Variants in CYP4V2 observed in about 807,000 individuals in gnomAD.
The protein encoded by CYP4V2 is cytochrome P450 family 4 subfamily V member 2, also known as cytochrome P450 4V2.
Under a neutral mutation model 60.8 loss-of-function variants are expected in CYP4V2, and 55 were observed. The observed-to-expected ratio is 0.90, with a 90% CI of 0.73 to 1.13. CYP4V2 has a LOEUF of 1.13. Ranked by LOEUF, CYP4V2 falls within the 50% of genes most tolerant of loss-of-function variation. CYP4V2 has a pLI of 0.00. For synonymous variants in CYP4V2, 239 were observed against 236.8 expected, an observed-to-expected ratio of 1.01 and a Z score of -0.08; for missense variants, 675 against 662.9, an observed-to-expected ratio of 1.02 and a Z score of -0.20.
In CYP4V2 at chr4:186,208,780, C is replaced by G. The variant is rs1736608193; in HGVS notation, c.1091-85C>G. On this transcript the variant is annotated intron_variant, in intron 8 of 10. Coordinates refer to ENST00000378802, the MANE Select transcript of CYP4V2 (RefSeq NM_207352.4). ...TTTGATGGGTATTTAGCATGCCATG[C>G]CTTGATCCACCTGTTCTTTTTAGAT... The G allele has an allele frequency of 5.7e-6, 9 of 1,585,160 alleles. No homozygotes were observed. The Admixed American group carries it at 1.2e-4, about 21-fold the overall frequency.
At chr4:186,206,926 C>A (rs114563611) in intron 8 of CYP4V2, among the ~76,000 whole-genome samples, 103 of 152,280 alleles carry the variant, frequency 6.8e-4, no homozygotes, top group Non-Finnish European at 1.2e-3. Flanking sequence ...CTCACAAGTT[C>A]TTTTGGAATA....
At chr4:186,205,788 G>T (rs1736479576) in intron 8 of CYP4V2, among the ~76,000 whole-genome samples, 1 of 152,146 alleles carries the variant, frequency 6.6e-6, no homozygotes, top group Non-Finnish European at 1.5e-5. Flanking sequence ...GGATGTCCAG[G>T]GTCCCAGACT....
At position 186,194,522 on chromosome 4, in the gene CYP4V2, G is replaced by C; in HGVS notation, c.237G>C (p.Glu79Asp). 1 of 1,614,112 alleles carries C rather than the reference G, an allele frequency of 6.2e-7. No individual in the cohort carries two copies. The highest frequency in any genetic ancestry group is 1.3e-5 in the African/African-American group (1 of 75,048). ...DGREFFQQIIEYTEEYRHMPL... is the reference protein window; with the variant it reads ...DGREFFQQIIDYTEEYRHMPL... The stretch of plus-strand genomic sequence containing the variant: ...CAGAATTTTTTCAGCAGATCATTGA[G>C]TACACAGAGGAATACCGCCACATGC... Residue 79 changes from glutamate (E) to aspartate (D), a missense_variant, in exon 2 of 11, where the codon GAG becomes GAC. By Grantham distance (45) the Glu-to-Asp change is conservative. Transcript: ENST00000378802.
intron 3 of CYP4V2, chr4:186,196,562 C>A: frequency 3.5e-6 from 1 of 288,822 alleles, no homozygotes; most frequent in Admixed American, 5.0e-5. Flanking sequence ...GGGGAGAGAT[C>A]AAGGTAGAAC....
chr4:186,207,654 C>T (rs1211433418), intron 8 of CYP4V2, among the ~76,000 whole-genome samples: 2 of 149,934 alleles, frequency 1.3e-5, no homozygotes, highest in East Asian at 3.9e-4. Flanking sequence ...TGTCACATAA[C>T]ATAAAATCTA....
intron 5 of CYP4V2, among the ~76,000 whole-genome samples, chr4:186,198,464 T>C (rs553466424): frequency 2.0e-5 from 3 of 152,288 alleles, no homozygotes; most frequent in South Asian, 4.1e-4. Flanking sequence ...GGAGATCACA[T>C]AGGGGTCTTT....
intron 3 of CYP4V2, 200 bp downstream of exon 3, chr4:186,196,288 A>T (rs554982762): frequency 1.6e-6 from 1 of 621,528 alleles, no homozygotes; most frequent in Non-Finnish European, 2.9e-6. Context: ...GTGAACAGTT[A>T]TCTTCAGCTG....
rs10033581 is a variant in CYP4V2, at chr4:186,211,382, C to T, written c.*741C>T. 0.82 allele frequency: 124,449 copies of T among 151,752 alleles called. 51,920 individuals carry two copies. Among genetic ancestry groups the T allele is most frequent in the East Asian group, 0.93 (4,770 of 5,130 alleles). 9.4% of individuals were successfully genotyped at this position (151,752 alleles called of 1,614,324 possible). The stretch of plus-strand genomic sequence containing the variant: ...AGGCTGGAACGCAGTGGTGACATCT[C>T]GGCTCACTGCAACCTCCACCTCCCA... On this transcript the variant is annotated 3_prime_UTR_variant, in exon 11 of 11. Transcript: ENST00000378802.
rs958250350 is a variant in CYP4V2 at position 186,191,665 on chromosome 4, G to T, written c.-159G>T. 2 of 620,144 alleles carry T rather than the reference G, an allele frequency of 3.2e-6. No individual in the cohort carries two copies. The highest frequency in any genetic ancestry group is 1.9e-5 in the African/African-American group (1 of 51,546). 38.4% of individuals were successfully genotyped at this position (620,144 alleles called of 1,614,324 possible). On this transcript the variant is annotated 5_prime_UTR_variant, in exon 1 of 11. Transcript: ENST00000378802. ...GTGGCGCCCTCTCTGGCCGCCGCCCGGGCGGGAAACGTCGTTCCGGGGACC... is the reference window on the plus strand; with the variant it reads ...GTGGCGCCCTCTCTGGCCGCCGCCCTGGCGGGAAACGTCGTTCCGGGGACC...
At chr4:186,196,434 G>A (rs1736148753) in intron 3 of CYP4V2, 1 of 355,668 alleles carries the variant, frequency 2.8e-6, no homozygotes, top group African/African-American at 2.1e-5. Context: ...CAATCAAAAA[G>A]ATGGTCAGCC....
At chr4:186,205,076 TTTC>T (rs1736456664) in intron 7 of CYP4V2, 121 bp from the exon 8 acceptor site, 2 of 913,628 alleles carry the variant, frequency 2.2e-6, no homozygotes. Context: ...ACAGAATTCA[TTTC>T]TTATGTTTGC....
Position 186,205,305 on chromosome 4 carries a change from A to G in CYP4V2, c.1090+3A>G. On this transcript the variant is annotated splice_donor_region_variant and intron_variant, in intron 8 of 10. Coordinates refer to ENST00000378802, the MANE Select transcript of CYP4V2 (RefSeq NM_207352.4). Reference sequence around the variant, plus strand: ...TCATGAATTGGATGACGTGTTTGGTATGTTTGGCCCCTTCACTGGTTATAT... The same window carrying G: ...TCATGAATTGGATGACGTGTTTGGTGTGTTTGGCCCCTTCACTGGTTATAT... 1 of 1,613,810 alleles carries G rather than the reference A, an allele frequency of 6.2e-7. No homozygotes were observed. The highest frequency in any genetic ancestry group is 8.5e-7 in the Non-Finnish European group (1 of 1,179,674).
In CYP4V2 at chr4:186,196,099, G is replaced by A. The variant is rs755224947; in HGVS notation, c.413+11G>A. 5 of 1,602,038 alleles carry A rather than the reference G, an allele frequency of 3.1e-6. No individual in the cohort carries two copies. The highest frequency in any genetic ancestry group is 4.3e-6 in the Non-Finnish European group (5 of 1,169,036). ...AGGACTTCTTACAAGGTATGCCAGTGTACCTTTGTAAAGCTGTCTATAGAA... is the reference window on the plus strand; with the variant it reads ...AGGACTTCTTACAAGGTATGCCAGTATACCTTTGTAAAGCTGTCTATAGAA... On this transcript the variant is annotated intron_variant, in intron 3 of 10. Transcript: ENST00000378802.
At chr4:186,209,783 G>A (rs1561438864) in intron 10 of CYP4V2, among the ~76,000 whole-genome samples, 1 of 152,136 alleles carries the variant, frequency 6.6e-6, no homozygotes, top group Non-Finnish European at 1.5e-5. Flanking sequence ...AGGTATGGGG[G>A]GGGCTTAGAA....
chr4:186,194,959 T>G (rs896046251), intron 2 of CYP4V2, among the ~76,000 whole-genome samples: 5 of 152,228 alleles, frequency 3.3e-5, no homozygotes, highest in Non-Finnish European at 5.9e-5. Context: ...ATATGACTAA[T>G]AAAATATGTT....
intron 2 of CYP4V2, 119 bp downstream of exon 2, chr4:186,194,731 T>C: frequency 1.1e-6 from 1 of 919,344 alleles, no homozygotes; most frequent in South Asian, 1.4e-5. Flanking sequence ...AACATTCCAC[T>C]AAGTATTTTA....
chr4:186,212,455 C>G lies in CYP4V2; in HGVS notation c.*1814C>G, dbSNP rs1223012131. On this transcript the variant is annotated 3_prime_UTR_variant, in exon 11 of 11. Coordinates refer to ENST00000378802, the MANE Select transcript of CYP4V2 (RefSeq NM_207352.4). ...TTAATTTGATAGGCAATACATCTACCCACTCCATTATTTTTTAAAACTTCA... is the reference window on the plus strand; with the variant it reads ...TTAATTTGATAGGCAATACATCTACGCACTCCATTATTTTTTAAAACTTCA... The G allele has an allele frequency of 6.6e-6, 1 of 152,138 alleles. No individual in the cohort carries two copies. Among genetic ancestry groups the G allele is most frequent in the Middle Eastern group, 3.2e-3 (1 of 316 alleles). The allele number at this position is 152,138 out of a possible 1,614,324, so 9.4% of individuals were successfully genotyped here.
In CYP4V2 at chr4:186,196,928, T is replaced by G; in HGVS notation, c.414-12T>G. On this transcript the variant is annotated splice_polypyrimidine_tract_variant and intron_variant, in intron 3 of 10. Transcript: ENST00000378802. Reference sequence around the variant, plus strand: ...TAGATATATTTTTTGTAACCACATATTTTATTTCTAGTACTGGAAACAAAT... The same window carrying G: ...TAGATATATTTTTTGTAACCACATAGTTTATTTCTAGTACTGGAAACAAAT... The G allele has an allele frequency of 6.2e-7, 1 of 1,611,622 alleles. No homozygotes were observed. Among genetic ancestry groups the G allele is most frequent in the Non-Finnish European group, 8.5e-7 (1 of 1,179,408 alleles).
intron 4 of CYP4V2, 163 bp downstream of exon 4, chr4:186,197,293 G>T: frequency 2.1e-6 from 2 of 944,484 alleles, no homozygotes; most frequent in Non-Finnish European, 1.6e-6. Flanking sequence ...CAGCAGCCAC[G>T]CCCAGGGCTG....
Sources: gnomAD v4.1 joint callset for allele counts (sites outside exome capture counted in the v4.1 genomes callset) on GRCh38, gnomAD v4.1.1 for gene constraint, MANE v1.5 for transcripts, NCBI Gene and HGNC (gene_info 2026-07-23, HGNC 2026-07-21) for gene names.